Variants in TFB1M observed in about 807,000 individuals in gnomAD.
TFB1M encodes transcription factor B1, mitochondrial, also known as dimethyladenosine transferase 1, mitochondrial.
A neutral mutation model predicts 31.1 loss-of-function variants in TFB1M; 27 were observed. The observed-to-expected ratio is 0.87, with a 90% CI of 0.64 to 1.20. The LOEUF (loss-of-function observed/expected upper bound fraction) is 1.20. Among genes scored for constraint, TFB1M ranks in the 50% most tolerant of loss-of-function variants. The pLI is 0.00. For missense variants in TFB1M, 394 were observed against 418.7 expected (o/e 0.94, Z 0.51); for synonymous variants, 166 against 151.8 (o/e 1.09, Z -0.69).
chr6:155,298,195 T>C (rs1777262968), intron 3 of TFB1M, among the ~76,000 whole-genome samples: 2 of 152,240 alleles, frequency 1.3e-5, no homozygotes, highest in Non-Finnish European at 2.9e-5. Flanking sequence ...ATTGATAGTT[T>C]ACCCTATCCT....
intron 4 of TFB1M, among the ~76,000 whole-genome samples, chr6:155,295,372 A>T (rs1393489157): frequency 6.6e-6 from 1 of 152,112 alleles, no homozygotes; most frequent in Non-Finnish European, 1.5e-5. Flanking sequence ...TCCAAAAAAA[A>T]AAAAGGACAA....
chr6:155,306,528 T>C (rs1777773167), intron 2 of TFB1M, among the ~76,000 whole-genome samples: 1 of 152,136 alleles, frequency 6.6e-6, no homozygotes, highest in African/African-American at 2.4e-5. Flanking sequence ...GAAAATGGAA[T>C]GCTATTCAGC....
intron 4 of TFB1M, among the ~76,000 whole-genome samples, chr6:155,285,497 T>C (rs1776587513): frequency 6.6e-6 from 1 of 152,184 alleles, no homozygotes; most frequent in East Asian, 1.9e-4. Flanking sequence ...TCATATATAA[T>C]GCACTACAAA....
intron 4 of TFB1M, among the ~76,000 whole-genome samples, chr6:155,286,513 G>A (rs12200249): frequency 5.9e-5 from 4 of 68,212 alleles, no homozygotes; most frequent in South Asian, 4.7e-4. Context: ...ATATATATGT[G>A]TGTATATATA....
downstream of TFB1M, among the ~76,000 whole-genome samples, chr6:155,251,236 C>T (rs1747511495): frequency 1.3e-5 from 2 of 152,210 alleles, 1 homozygote; most frequent in South Asian, 4.1e-4. Context: ...TTGGCTCAGG[C>T]CAAGTGTTAC....
chr6:155,250,425 C>G, the TFB1M span: 5 of 779,952 alleles, frequency 6.4e-6, no homozygotes, highest in South Asian at 1.1e-4. Context: ...TTGTGCTTCT[C>G]AAGCCAGCAT....
intron 1 of TFB1M, 33 bp downstream of exon 1, chr6:155,314,263 G>C: frequency 6.2e-7 from 1 of 1,611,254 alleles, no homozygotes; most frequent in Non-Finnish European, 8.5e-7. Context: ...GGACACTGGG[G>C]AGACATCCGG....
downstream of TFB1M, chr6:155,252,953 G>C (rs545488093): frequency 1.9e-6 from 3 of 1,613,848 alleles, no homozygotes; most frequent in African/African-American, 4.0e-5. Context: ...TACAGCCCTC[G>C]AATTCCCGGC....
chr6:155,283,703 T>C (rs938680888), intron 5 of TFB1M, among the ~76,000 whole-genome samples: 3 of 152,214 alleles, frequency 2.0e-5, no homozygotes, highest in Non-Finnish European at 4.4e-5. Flanking sequence ...CTGGAGATTC[T>C]GGATAATGGT....
At chr6:155,290,406 A>AAAAAAAAAAAAAG in intron 4 of TFB1M, among the ~76,000 whole-genome samples, 1 of 114,968 alleles carries the variant, frequency 8.7e-6, no homozygotes, top group Admixed American at 1.1e-4. Context: ...AAAAAAAAAA[A>AAAAAAAAAAAAAG]AAAAGAAAAG....
the TFB1M span, among the ~76,000 whole-genome samples, chr6:155,243,258 C>G: frequency 6.6e-6 from 1 of 152,094 alleles, no homozygotes; most frequent in Non-Finnish European, 1.5e-5. Context: ...TTGAAGGGCT[C>G]CCCAGAACTT....
chr6:155,306,566 C>T (rs1777774439), intron 2 of TFB1M, among the ~76,000 whole-genome samples: 1 of 152,078 alleles, frequency 6.6e-6, no homozygotes, highest in Non-Finnish European at 1.5e-5. Context: ...TACTGATAAA[C>T]ACCTCAACAT....
intron 4 of TFB1M, 85 bp from the exon 5 acceptor site, chr6:155,285,362 A>G: frequency 6.5e-7 from 1 of 1,550,024 alleles, no homozygotes; most frequent in Non-Finnish European, 8.8e-7. Context: ...TTATTTCTGA[A>G]CACTAGGTGG....
chr6:155,257,887 T>TTTTC lies in TFB1M; in HGVS notation c.986_989dup (p.Ser331LysfsTer5). On this transcript the variant is annotated frameshift_variant, in exon 7 of 7. Transcript: ENST00000367166. LOFTEE classifies it low-confidence loss of function (END_TRUNC). Reference sequence around the variant, plus strand: ...CCTCTTCTTTTTCTTCATTTTTGCTTTTTCTTCGCTTGAGTTCTTCTCTGA... The same window carrying TTTTC: ...CCTCTTCTTTTTCTTCATTTTTGCTTTTTCTTTCTTCGCTTGAGTTCTTCTCTGA... 6.2e-7 allele frequency: 1 copy of TTTTC among 1,614,176 alleles called. No homozygotes were observed. The highest frequency in any genetic ancestry group is 8.5e-7 in the Non-Finnish European group (1 of 1,180,014).
the TFB1M span, chr6:155,245,472 C>G: frequency 1.5e-6 from 1 of 664,092 alleles, no homozygotes; most frequent in Non-Finnish European, 2.6e-6. Flanking sequence ...CTGGGCTGTT[C>G]CCCACCTCCT....
At chr6:155,304,201 G>A (rs1345457335) in intron 2 of TFB1M, among the ~76,000 whole-genome samples, 1 of 152,100 alleles carries the variant, frequency 6.6e-6, no homozygotes, top group East Asian at 1.9e-4. Context: ...AGAATCGCTT[G>A]AGCCTGGGAG....
chr6:155,272,832 G>A (rs1784996520), intron 5 of TFB1M, among the ~76,000 whole-genome samples: 2 of 152,176 alleles, frequency 1.3e-5, no homozygotes, highest in Non-Finnish European at 2.9e-5. Context: ...ATCACTGCCA[G>A]TACTTGTTAA....
the TFB1M span, among the ~76,000 whole-genome samples, chr6:155,237,201 G>A: frequency 2.2e-4 from 33 of 152,232 alleles, no homozygotes; most frequent in Non-Finnish European, 3.7e-4. Context: ...ATGCAATTCC[G>A]AAATCCAGCA....
Position 155,296,922 on chromosome 6 carries a change from G to A in TFB1M, c.546+31C>T, listed in dbSNP as rs1187979272. 20 of 1,601,076 alleles carry A rather than the reference G, an allele frequency of 1.2e-5. No individual in the cohort carries two copies. In the East Asian group the frequency reaches 4.5e-4, roughly 36 times the overall value. The stretch of plus-strand genomic sequence containing the variant: ...ATTTTGCTTTGGAATTTGAACATGT[G>A]ATAAAATAGTCACAAAATGTTAAAA... On this transcript the variant is annotated intron_variant, in intron 4 of 6. Coordinates refer to ENST00000367166, the MANE Select transcript of TFB1M (RefSeq NM_016020.4).
Sources: allele counts gnomAD v4.1 joint callset (sites outside exome capture counted in the v4.1 genomes callset), GRCh38; gene constraint gnomAD v4.1.1; transcripts MANE v1.5; gene names NCBI Gene and HGNC (gene_info 2026-07-23, HGNC 2026-07-21).